The following ADARB2 variants were observed in gnomAD, a reference collection of about 807,000 sequenced individuals.
ADARB2 encodes adenosine deaminase RNA specific B2 (inactive).
ADARB2 carries 25 observed loss-of-function variants against 62.2 expected under a neutral mutation model. The observed-to-expected ratio is 0.40, with a 90% CI of 0.29 to 0.56. The LOEUF (loss-of-function observed/expected upper bound fraction) is 0.56. ADARB2 is among the 20% of genes least tolerant of loss of function. The probability of loss-of-function intolerance (pLI) is 0.43; values close to 1 mark genes in which losing one functional copy is unlikely to be tolerated. For synonymous variants in ADARB2, 572 were observed against 500.8 expected (o/e 1.14, Z -1.90); for missense variants, 1,071 against 1,077.4 (o/e 0.99, Z 0.08).
chr10:1,616,414 A>G (rs1368047987), intron 1 of ADARB2, among the ~76,000 whole-genome samples: 1 of 151,998 alleles, frequency 6.6e-6, no homozygotes. Context: ...GCATCCTGGG[A>G]ACTGGCCTCA....
At position 1,216,940 on chromosome 10, in the gene ADARB2, G is replaced by C. The variant is rs376160381; in HGVS notation, c.1682+11C>G. ...CAGCCAACATCCTCGAGAGGAAGCCGTGGGCCTCACCTGGCGATCTTGTCC... is the reference window on the plus strand; with the variant it reads ...CAGCCAACATCCTCGAGAGGAAGCCCTGGGCCTCACCTGGCGATCTTGTCC... On this transcript the variant is annotated intron_variant, in intron 7 of 9. Transcript: ENST00000381312. 6.2e-7 allele frequency: 1 copy of C among 1,603,994 alleles called. No homozygotes were observed. Among genetic ancestry groups the C allele is most frequent in the Non-Finnish European group, 8.5e-7 (1 of 1,179,066 alleles).
intron 1 of ADARB2, among the ~76,000 whole-genome samples, chr10:1,487,484 C>T (rs1831558965): frequency 6.6e-6 from 1 of 152,156 alleles, no homozygotes; most frequent in Admixed American, 6.5e-5. Context: ...CCTGTGGGCT[C>T]ACCCATGCCC....
chr10:1,242,050 C>T (rs1014294515), intron 5 of ADARB2, 81 bp downstream of exon 5: 6 of 1,447,248 alleles, frequency 4.1e-6, no homozygotes, highest in Non-Finnish European at 5.5e-6. Context: ...TGTTCTGAGC[C>T]AGGCATGGGG....
intron 1 of ADARB2, among the ~76,000 whole-genome samples, chr10:1,712,670 G>C (rs1225968988): frequency 3.8e-5 from 5 of 129,982 alleles, no homozygotes; most frequent in African/African-American, 1.5e-4. Context: ...GGCACTGGGC[G>C]GGATCTCGGT....
intron 3 of ADARB2, among the ~76,000 whole-genome samples, chr10:1,279,209 C>G (rs72762916): frequency 6.6e-6 from 1 of 152,124 alleles, no homozygotes; most frequent in Admixed American, 6.5e-5. Context: ...GAGGCCTTTT[C>G]TCTTGGCGCG....
chr10:1,448,754 C>G (rs1325361244), intron 1 of ADARB2, among the ~76,000 whole-genome samples: 3 of 152,108 alleles, frequency 2.0e-5, no homozygotes, highest in African/African-American at 4.8e-5. Context: ...GAAAGGAAAC[C>G]GTGCTTGGTC....
chr10:1,201,002 C>T (rs766329608), intron 7 of ADARB2, among the ~76,000 whole-genome samples: 31 of 152,194 alleles, frequency 2.0e-4, no homozygotes, highest in Non-Finnish European at 4.1e-4. Context: ...TTTCCCTTCC[C>T]GAAGCAGTCA....
chr10:1,379,670 A>G (rs1832465170), intron 1 of ADARB2, among the ~76,000 whole-genome samples: 1 of 152,234 alleles, frequency 6.6e-6, no homozygotes, highest in African/African-American at 2.4e-5. Context: ...GCAGAAGTAG[A>G]GGAGGGGAGG....
At position 1,328,271 on chromosome 10, in the gene ADARB2, T is replaced by G. The variant is rs564425265; in HGVS notation, c.1077+34757A>C. On this transcript the variant is annotated intron_variant, in intron 3 of 9. Coordinates refer to ENST00000381312, the MANE Select transcript of ADARB2 (RefSeq NM_018702.4). ...AAGGAGGGATTCTGGAACCCCTGAC[T>G]GTAGTCAACGAAGGGCAGCATCCAG... is the stretch of plus-strand genomic sequence containing the variant. Among the ~76,000 whole-genome samples the G allele has an allele frequency of 1.4e-4, 22 of 152,310 alleles. 1 individual carries two copies. The South Asian group carries it at 4.6e-3, about 32-fold the overall frequency.
At chr10:1,569,028 C>A (rs1344991260) in intron 1 of ADARB2, among the ~76,000 whole-genome samples, 1 of 151,594 alleles carries the variant, frequency 6.6e-6, no homozygotes, top group Non-Finnish European at 1.5e-5. Context: ...GAGACAGAGA[C>A]AGAGCGGGAC....
intron 3 of ADARB2, among the ~76,000 whole-genome samples, chr10:1,315,961 CA>C (rs1411022626): frequency 2.0e-5 from 3 of 152,102 alleles, no homozygotes; most frequent in Admixed American, 2.0e-4. Flanking sequence ...TTTGAAAAGT[CA>C]AATATGGAGC....
At chr10:1,621,835 A>G (rs1366926096) in intron 1 of ADARB2, among the ~76,000 whole-genome samples, 1 of 152,132 alleles carries the variant, frequency 6.6e-6, no homozygotes, top group African/African-American at 2.4e-5. Flanking sequence ...CAAATCTCAA[A>G]TCCCAGGATT....
At chr10:1,273,850 G>C (rs894255028) in intron 3 of ADARB2, among the ~76,000 whole-genome samples, 1 of 152,188 alleles carries the variant, frequency 6.6e-6, no homozygotes, top group South Asian at 2.1e-4. Context: ...GAAAGCATCC[G>C]GGCACAGGGT....
At chr10:1,581,220 G>T (rs1833092844) in intron 1 of ADARB2, among the ~76,000 whole-genome samples, 1 of 152,236 alleles carries the variant, frequency 6.6e-6, no homozygotes, top group Admixed American at 6.5e-5. Context: ...CGATGTTCAA[G>T]GTGCGGGGAA....
intron 1 of ADARB2, among the ~76,000 whole-genome samples, chr10:1,612,424 T>C (rs1833584329): frequency 6.6e-6 from 1 of 152,182 alleles, no homozygotes; most frequent in Non-Finnish European, 1.5e-5. Flanking sequence ...TCAAGCCTAT[T>C]AGAAAGCAGC....
chr10:1,673,866 G>T (rs950717335), intron 1 of ADARB2, among the ~76,000 whole-genome samples: 1 of 152,220 alleles, frequency 6.6e-6, no homozygotes, highest in East Asian at 1.9e-4. Context: ...ATCCTAGGCC[G>T]GTTACCGACT....
At chr10:1,400,759 C>T (rs986871080) in intron 1 of ADARB2, among the ~76,000 whole-genome samples, 2 of 152,184 alleles carry the variant, frequency 1.3e-5, no homozygotes, top group Non-Finnish European at 2.9e-5. Context: ...CCTTTTCATG[C>T]TGTTCTTCTG....
At chr10:1,607,580 G>A (rs1833509923) in intron 1 of ADARB2, among the ~76,000 whole-genome samples, 1 of 152,054 alleles carries the variant, frequency 6.6e-6, no homozygotes, top group African/African-American at 2.4e-5. Flanking sequence ...CAGACATGGA[G>A]GGACGCCCTG....
At chr10:1,507,319 T>C (rs1831864685) in intron 1 of ADARB2, among the ~76,000 whole-genome samples, 1 of 151,700 alleles carries the variant, frequency 6.6e-6, no homozygotes, top group Non-Finnish European at 1.5e-5. Flanking sequence ...GGCCCTGGAG[T>C]CAGGAGGGAG....
Sources: allele counts gnomAD v4.1 joint callset (sites outside exome capture counted in the v4.1 genomes callset), GRCh38; gene constraint gnomAD v4.1.1; transcripts MANE v1.5; gene names NCBI Gene and HGNC (gene_info 2026-07-23, HGNC 2026-07-21).